The following DNAH3 variants were observed in gnomAD, a reference collection of about 807,000 sequenced individuals.
DNAH3 encodes the protein axonemal beta dynein heavy chain 3.
In DNAH3, 332 loss-of-function variants were observed where a neutral mutation model predicts 432.5. The observed-to-expected ratio is 0.77, with a 90% CI of 0.70 to 0.84. DNAH3 has a LOEUF of 0.84. Among genes scored for constraint, DNAH3 ranks in the 40% least tolerant of loss-of-function variants. The probability of loss-of-function intolerance (pLI) is 0.00; values close to 1 mark genes in which losing one functional copy is unlikely to be tolerated. For synonymous variants in DNAH3, 1,956 were observed against 1,900.2 expected (o/e 1.03, Z -0.76); for missense variants, 4,861 against 5,114.0 (o/e 0.95, Z 1.51).
intron 1 of DNAH3, among the ~76,000 whole-genome samples, chr16:21,147,119 T>C (rs898704955): frequency 6.6e-6 from 1 of 152,148 alleles, no homozygotes; most frequent in African/African-American, 2.4e-5. Context: ...ATGAGCAAAT[T>C]TGAATATTTT....
chr16:20,973,945 G>A (rs1442025175), intron 51 of DNAH3, among the ~76,000 whole-genome samples: 1 of 152,166 alleles, frequency 6.6e-6, no homozygotes, highest in Non-Finnish European at 1.5e-5. Flanking sequence ...TTAACAAATA[G>A]CTAGGAGACC....
intron 51 of DNAH3, among the ~76,000 whole-genome samples, chr16:20,972,739 A>T (rs1159092894): frequency 1.4e-4 from 13 of 95,960 alleles, no homozygotes; most frequent in East Asian, 3.3e-4. Context: ...ATGCCCCGTG[A>T]TTTTTTTTTT....
At chr16:21,012,768 T>C (rs1195156281) in intron 41 of DNAH3, among the ~76,000 whole-genome samples, 1 of 152,178 alleles carries the variant, frequency 6.6e-6, no homozygotes, top group African/African-American at 2.4e-5. Flanking sequence ...TTTTAATTTT[T>C]TTTTAGGCAG....
At chr16:21,026,478 A>G (rs1482338726) in intron 38 of DNAH3, among the ~76,000 whole-genome samples, 1 of 151,924 alleles carries the variant, frequency 6.6e-6, no homozygotes, top group Non-Finnish European at 1.5e-5. Flanking sequence ...TGAGGCAGGC[A>G]GATCACGATG....
intron 44 of DNAH3, among the ~76,000 whole-genome samples, chr16:20,990,361 TTATA>T (rs1214234514): frequency 2.0e-5 from 3 of 152,374 alleles, no homozygotes; most frequent in South Asian, 4.1e-4. Context: ...CTGTATTTAT[TTATA>T]TAGATATATA....
At position 21,064,259 on chromosome 16, in the gene DNAH3, A is replaced by G. The variant is rs1019747569; in HGVS notation, c.3519-1576T>C. Among the ~76,000 whole-genome samples the G allele has an allele frequency of 2.6e-5, 4 of 152,176 alleles. No homozygotes were observed. In the South Asian group the frequency reaches 6.2e-4, roughly 24 times the overall value. On this transcript the variant is annotated intron_variant, in intron 24 of 61. Transcript: ENST00000261383. Reference sequence around the variant, plus strand: ...ACCCAGGCTAGTCTTCTACAGGATAAAAGACATGTGGCCCAAATACCTGTT... The same window carrying G: ...ACCCAGGCTAGTCTTCTACAGGATAGAAGACATGTGGCCCAAATACCTGTT...
At chr16:21,101,123 G>A (rs1264400246) in intron 16 of DNAH3, among the ~76,000 whole-genome samples, 3 of 152,090 alleles carry the variant, frequency 2.0e-5, no homozygotes, top group African/African-American at 4.8e-5. Context: ...CTGAACATCA[G>A]AGCTTAGCCT....
At chr16:21,102,749 G>A (rs1443722154) in intron 16 of DNAH3, among the ~76,000 whole-genome samples, 1 of 152,088 alleles carries the variant, frequency 6.6e-6, no homozygotes, top group East Asian at 1.9e-4. Context: ...AATTGCTGGG[G>A]GAAAATGATT....
chr16:20,977,285 G>A (rs755447696), intron 50 of DNAH3, among the ~76,000 whole-genome samples: 1 of 152,188 alleles, frequency 6.6e-6, no homozygotes, highest in East Asian at 1.9e-4. Flanking sequence ...ACTGAGGCAG[G>A]AGAATTGCTT....
At chr16:21,101,244 G>A (rs1239464402) in intron 16 of DNAH3, among the ~76,000 whole-genome samples, 3 of 152,044 alleles carry the variant, frequency 2.0e-5, no homozygotes, top group East Asian at 3.9e-4. Flanking sequence ...ATTGTATACC[G>A]TACTGAAAGT....
At position 21,133,078 on chromosome 16, in the gene DNAH3, G is replaced by A. The variant is rs184893190; in HGVS notation, c.1082+1181C>T. Among the ~76,000 whole-genome samples the A allele has an allele frequency of 6.7e-3, 1,026 of 152,116 alleles. 6 individuals are homozygous for A. The highest frequency in any genetic ancestry group is 0.011 in the Non-Finnish European group (741 of 67,998). ...CATAAAGGAATAAGACCGTCCGGGC[G>A]TGGTGGCTTACACCTGTAATCCCAG... On this transcript the variant is annotated intron_variant, in intron 7 of 61. Transcript: ENST00000261383.
At chr16:20,978,565 C>T (rs1478200114) in intron 50 of DNAH3, among the ~76,000 whole-genome samples, 1 of 152,114 alleles carries the variant, frequency 6.6e-6, no homozygotes, top group Non-Finnish European at 1.5e-5. Flanking sequence ...GACAAAGTCT[C>T]ACTCTGTTAC....
intron 20 of DNAH3, among the ~76,000 whole-genome samples, chr16:21,079,889 C>T (rs1191691619): frequency 1.3e-5 from 2 of 152,182 alleles, no homozygotes; most frequent in South Asian, 2.1e-4. Flanking sequence ...CAGAAAGATT[C>T]AGGAGCTGGG....
chr16:21,002,986 A>G (rs1016969254), intron 42 of DNAH3, 118 bp downstream of exon 42: 1 of 723,794 alleles, frequency 1.4e-6, no homozygotes, highest in African/African-American at 1.8e-5. Context: ...TCATGTTTAA[A>G]TATTTTTCTA....
intron 12 of DNAH3, among the ~76,000 whole-genome samples, chr16:21,116,804 T>A (rs1359041977): frequency 1.3e-5 from 2 of 152,214 alleles, no homozygotes; most frequent in Non-Finnish European, 2.9e-5. Flanking sequence ...ATTATGTGAA[T>A]ATTTATAGGT....
chr16:21,000,465 CAAG>C lies in DNAH3; in HGVS notation c.6177_6179del (p.Phe2059del), dbSNP rs751639045. 106 of 1,613,790 alleles carry C rather than the reference CAAG, an allele frequency of 6.6e-5. No individual in the cohort carries two copies. In the East Asian group the frequency reaches 1.1e-3, roughly 17 times the overall value. Reference sequence around the variant, plus strand: ...GAATCTCATGGTCTAAGTAGGTTTTCAAGAAGAAGGACTGCCGGGCTGTCTCCA... The same window carrying C: ...GAATCTCATGGTCTAAGTAGGTTTTCAAGAAGGACTGCCGGGCTGTCTCCA... On this transcript the variant is annotated inframe_deletion, in exon 43 of 62. Coordinates refer to ENST00000261383, the Ensembl canonical transcript of DNAH3.
rs573390280 is a variant in DNAH3 at position 21,136,534 on chromosome 16, G to T, written c.697-21C>A. ...TATCTCTTCCATAAACAAACCACCA[G>T]CGAGAAAATGGTCATGATTGGATCA... On this transcript the variant is annotated intron_variant, in intron 5 of 61. Coordinates refer to ENST00000261383, the Ensembl canonical transcript of DNAH3. The T allele has an allele frequency of 5.0e-6, 8 of 1,611,232 alleles. No homozygotes were observed. The South Asian group carries it at 8.8e-5, about 18-fold the overall frequency.
intron 35 of DNAH3, among the ~76,000 whole-genome samples, chr16:21,036,196 C>T (rs1432932683): frequency 6.6e-6 from 1 of 151,964 alleles, no homozygotes; most frequent in Admixed American, 6.6e-5. Flanking sequence ...GGTGGCGGCA[C>T]GCACCTGTAA....
At chr16:20,963,944 T>A in exon 53 of DNAH3, 1 of 1,614,120 alleles carries the variant, frequency 6.2e-7, no homozygotes, top group South Asian at 1.1e-5. Context: ...ATCGGCTCGA[T>A]GTTGGCCAGG....
Sources: allele counts gnomAD v4.1 joint callset (sites outside exome capture counted in the v4.1 genomes callset), GRCh38; gene constraint gnomAD v4.1.1; transcripts MANE v1.5; gene names NCBI Gene and HGNC (gene_info 2026-07-23, HGNC 2026-07-21).